Variants in SSH2 observed in about 807,000 individuals in gnomAD.
The protein encoded by SSH2 is slingshot protein phosphatase 2.
Under a neutral mutation model 135.2 loss-of-function variants are expected in SSH2, and 37 were observed. The ratio of observed to expected loss-of-function variants is 0.27; its 90% CI spans 0.21 to 0.36. The LOEUF (loss-of-function observed/expected upper bound fraction) is 0.36. Ranked by LOEUF, SSH2 falls within the 10% of genes least tolerant of loss-of-function variation. The pLI, the probability that SSH2 is intolerant of heterozygous loss-of-function variation, is 1.00. For synonymous variants in SSH2, 628 were observed against 646.2 expected, an observed-to-expected ratio of 0.97 and a Z score of 0.43; for missense variants, 1,408 against 1,765.3, an observed-to-expected ratio of 0.80 and a Z score of 3.63.
chr17:29,646,047 C>G (rs73280624), intron 14 of SSH2, among the ~76,000 whole-genome samples: 7 of 152,310 alleles, frequency 4.6e-5, no homozygotes, highest in African/African-American at 1.7e-4. Context: ...TGCTTCTAGA[C>G]AGCTGTGCCT....
chr17:29,690,728 T>G (rs1219791019), intron 5 of SSH2, among the ~76,000 whole-genome samples: 1 of 152,216 alleles, frequency 6.6e-6, no homozygotes, highest in Non-Finnish European at 1.5e-5. Flanking sequence ...CTCTGAATTT[T>G]TTTTTAAATC....
At chr17:29,884,844 G>A (rs1159034546) in intron 1 of SSH2, among the ~76,000 whole-genome samples, 1 of 152,034 alleles carries the variant, frequency 6.6e-6, no homozygotes, top group Non-Finnish European at 1.5e-5. Flanking sequence ...TTAGTTCCAG[G>A]ACTTGGCAAC....
At chr17:29,860,308 T>C (rs1185585843) in intron 1 of SSH2, among the ~76,000 whole-genome samples, 1 of 152,248 alleles carries the variant, frequency 6.6e-6, no homozygotes, top group Non-Finnish European at 1.5e-5. Flanking sequence ...CTGACTGCTG[T>C]GAGATGGTAT....
rs1387335626 is a variant in SSH2, at chr17:29,724,169, AC to A, written c.189-21108del. On this transcript the variant is annotated intron_variant, in intron 3 of 15. Coordinates refer to ENST00000540801, the MANE Select transcript of SSH2 (RefSeq NM_001282129.2). ...AACTCAAAGGTGTAATACATGCAAAACAGAGGAAGGTGCCTATTCTTTCTGT... is the reference window on the plus strand; with the variant it reads ...AACTCAAAGGTGTAATACATGCAAAAAGAGGAAGGTGCCTATTCTTTCTGT... Among the ~76,000 whole-genome samples the A allele has an allele frequency of 2.6e-5, 4 of 152,322 alleles. No individual in the cohort carries two copies. In the East Asian group the frequency reaches 7.7e-4, roughly 29 times the overall value.
chr17:29,802,701 CTG>C (rs1483021439), intron 2 of SSH2, among the ~76,000 whole-genome samples: 3 of 147,134 alleles, frequency 2.0e-5, no homozygotes, highest in Non-Finnish European at 4.5e-5. Context: ...GAGCTGAAAA[CTG>C]TAGAAGAATG....
intron 1 of SSH2, among the ~76,000 whole-genome samples, chr17:29,923,779 G>A (rs992000152): frequency 2.6e-5 from 4 of 151,988 alleles, no homozygotes; most frequent in South Asian, 2.1e-4. Context: ...GGTGGTGCAC[G>A]TCTGTAGTCC....
intron 1 of SSH2, among the ~76,000 whole-genome samples, chr17:29,901,408 C>T (rs1474719164): frequency 1.3e-5 from 2 of 152,038 alleles, no homozygotes; most frequent in Non-Finnish European, 2.9e-5. Context: ...TTTTGTATTC[C>T]TCTGTTGCAA....
intron 11 of SSH2, among the ~76,000 whole-genome samples, chr17:29,656,086 C>T (rs965272263): frequency 6.6e-6 from 1 of 152,238 alleles, no homozygotes; most frequent in Non-Finnish European, 1.5e-5. Context: ...CAGTGCCTGG[C>T]ACCTGGCAGG....
chr17:29,660,932 G>A (rs141582105), intron 11 of SSH2, among the ~76,000 whole-genome samples: 160 of 151,306 alleles, frequency 1.1e-3, no homozygotes, highest in African/African-American at 3.2e-3. Context: ...TGGTGCGTGC[G>A]TGCCTGTAAT....
intron 2 of SSH2, among the ~76,000 whole-genome samples, chr17:29,838,655 C>T (rs2042986480): frequency 1.3e-5 from 2 of 152,140 alleles, no homozygotes; most frequent in South Asian, 4.1e-4. Context: ...TCTGTTGGAG[C>T]TGAACACTCA....
At chr17:29,715,511 C>T (rs1469100031) in intron 3 of SSH2, among the ~76,000 whole-genome samples, 4 of 152,136 alleles carry the variant, frequency 2.6e-5, no homozygotes, top group African/African-American at 9.7e-5. Context: ...TCCCAAAGTG[C>T]TGCGATTACA....
chr17:29,927,413 T>C (rs1012352202), intron 1 of SSH2, among the ~76,000 whole-genome samples: 2 of 152,200 alleles, frequency 1.3e-5, no homozygotes, highest in Admixed American at 6.5e-5. Flanking sequence ...TATTGTTTAA[T>C]GCCTAATGAA....
intron 3 of SSH2, among the ~76,000 whole-genome samples, chr17:29,753,048 TG>T (rs962101114): frequency 3.3e-5 from 5 of 152,170 alleles, no homozygotes; most frequent in African/African-American, 1.2e-4. Context: ...CTCATAAAGT[TG>T]TTAAGAAGAG....
chr17:29,919,160 T>G (rs2066932413), intron 1 of SSH2, among the ~76,000 whole-genome samples: 1 of 152,198 alleles, frequency 6.6e-6, no homozygotes, highest in Non-Finnish European at 1.5e-5. Flanking sequence ...GGTTAGAGAC[T>G]AACTGGCTGC....
intron 5 of SSH2, among the ~76,000 whole-genome samples, chr17:29,691,712 G>A (rs370961561): frequency 1.3e-5 from 2 of 151,592 alleles, no homozygotes; most frequent in South Asian, 2.1e-4. Context: ...GGATGGTCTC[G>A]ATCTCCTGAA....
At position 29,672,156 on chromosome 17, in the gene SSH2, C is replaced by A. The variant is rs202059517; in HGVS notation, c.615-27G>T. Reference sequence around the variant, plus strand: ...TGAAAGACATGCTGGGAAATGAGCACCATAGAACTGTGGGGTGCCAAAGGC... The same window carrying A: ...TGAAAGACATGCTGGGAAATGAGCAACATAGAACTGTGGGGTGCCAAAGGC... On this transcript the variant is annotated intron_variant, in intron 8 of 15. Transcript: ENST00000540801. 47 of 1,593,920 alleles carry A rather than the reference C, an allele frequency of 2.9e-5. No individual in the cohort carries two copies. In the East Asian group the frequency reaches 9.6e-4, roughly 33 times the overall value.
At chr17:29,920,427 C>A (rs934356085) in intron 1 of SSH2, among the ~76,000 whole-genome samples, 1 of 152,166 alleles carries the variant, frequency 6.6e-6, no homozygotes. Context: ...ATTTTCTATG[C>A]ATGCAATTTA....
Position 29,631,432 on chromosome 17 carries a change from G to A in SSH2, c.3762C>T (p.Ser1254=), listed in dbSNP as rs749360819. ...SSENIKSLSH[S]PGVVKERAKE... is the part of the protein sequence containing the mutation. Reference sequence around the variant, plus strand: ...TAGCACGCTCCTTCACCACACCGGGGCTGTGGCTGAGACTCTTTATGTTTT... The same window carrying A: ...TAGCACGCTCCTTCACCACACCGGGACTGTGGCTGAGACTCTTTATGTTTT... Residue 1254 remains serine, a synonymous_variant, in exon 16 of 16, where the codon AGC becomes AGT. Transcript: ENST00000540801. 39 of 1,614,176 alleles carry A rather than the reference G, an allele frequency of 2.4e-5. No homozygotes were observed. Among genetic ancestry groups the A allele is most frequent in the Non-Finnish European group, 3.3e-5 (39 of 1,180,026 alleles).
chr17:29,877,998 T>C (rs1454456000), intron 1 of SSH2, among the ~76,000 whole-genome samples: 6 of 151,598 alleles, frequency 4.0e-5, no homozygotes, highest in African/African-American at 1.5e-4. Flanking sequence ...GGTGGGAGGA[T>C]TGCCTGAGTC....
Sources: gnomAD v4.1 joint callset for allele counts (sites outside exome capture counted in the v4.1 genomes callset) on GRCh38, gnomAD v4.1.1 for gene constraint, MANE v1.5 for transcripts, NCBI Gene and HGNC (gene_info 2026-07-23, HGNC 2026-07-21) for gene names.